Variants in ARMH3 observed in about 807,000 individuals in gnomAD.
ARMH3 encodes the protein armadillo-like helical domain-containing protein 3.
Under a neutral mutation model 99.1 loss-of-function variants are expected in ARMH3, and 60 were observed. The ratio of observed to expected loss-of-function variants is 0.61; its 90% confidence interval spans 0.49 to 0.75. The LOEUF (loss-of-function observed/expected upper bound fraction) is 0.75, where lower values mean the gene tolerates loss of function less well. Ranked by LOEUF, ARMH3 falls within the 30% of genes least tolerant of loss-of-function variation. The pLI is 0.00. For missense variants in ARMH3, 679 were observed against 843.1 expected, an observed-to-expected ratio of 0.81 and a Z score of 2.41; for synonymous variants, 285 against 292.8, an observed-to-expected ratio of 0.97 and a Z score of 0.27.
In ARMH3 at chr10:101,948,700, G is replaced by T. The variant is rs182608487; in HGVS notation, c.1705+7897C>A. ...CTTCTCTGTCCCTTTATAATAAGTAGACAGAACAATTTGTGAAAACAGAGA... is the reference window on the plus strand; with the variant it reads ...CTTCTCTGTCCCTTTATAATAAGTATACAGAACAATTTGTGAAAACAGAGA... On this transcript the variant is annotated intron_variant, in intron 22 of 25. Coordinates refer to ENST00000370033, the MANE Select transcript of ARMH3 (RefSeq NM_024541.3). Among the ~76,000 whole-genome samples the T allele has an allele frequency of 1.5e-3, 221 of 151,900 alleles. 1 individual carries two copies. Among genetic ancestry groups the T allele is most frequent in the African/African-American group, 5.0e-3 (206 of 41,424 alleles).
chr10:101,970,882 C>A (rs531912002), intron 20 of ARMH3, among the ~76,000 whole-genome samples: 42 of 151,672 alleles, frequency 2.8e-4, no homozygotes, highest in Middle Eastern at 6.8e-3. Context: ...CAGGCCCTGC[C>A]CTCCAGGAAC....
intron 19 of ARMH3, among the ~76,000 whole-genome samples, chr10:101,985,551 C>T (rs1846461149): frequency 6.6e-6 from 1 of 151,488 alleles, no homozygotes; most frequent in Non-Finnish European, 1.5e-5. Flanking sequence ...CCCATCTCTA[C>T]AAAAAATATA....
intron 16 of ARMH3, among the ~76,000 whole-genome samples, chr10:101,994,880 T>C (rs1331775782): frequency 6.6e-6 from 1 of 151,942 alleles, no homozygotes; most frequent in Non-Finnish European, 1.5e-5. Context: ...CTACTAAAAT[T>C]ACAAAAATTA....
At chr10:101,976,110 G>A (rs370343615) in intron 19 of ARMH3, among the ~76,000 whole-genome samples, 7 of 145,156 alleles carry the variant, frequency 4.8e-5, no homozygotes, top group Admixed American at 2.8e-4. Flanking sequence ...TGGAGCTTGC[G>A]GTGAGCCAAG....
chr10:101,986,150 A>G (rs1253685525), intron 19 of ARMH3, among the ~76,000 whole-genome samples: 1 of 152,152 alleles, frequency 6.6e-6, no homozygotes, highest in Non-Finnish European at 1.5e-5. Context: ...GCAATTTCCT[A>G]TTTCAACACA....
At chr10:101,936,395 G>A (rs1315679408) in intron 23 of ARMH3, among the ~76,000 whole-genome samples, 2 of 151,444 alleles carry the variant, frequency 1.3e-5, no homozygotes, top group African/African-American at 4.9e-5. Context: ...AGGAGGCTGA[G>A]GCAGCAGAAT....
rs373644591 is a variant in ARMH3, at chr10:101,862,931, C to T, written c.1861-13039G>A. On this transcript the variant is annotated intron_variant, in intron 24 of 25. Coordinates refer to ENST00000370033, the MANE Select transcript of ARMH3 (RefSeq NM_024541.3). ...AAAATAAATCCACTTAAGCCAGGCG[C>T]GGTGGCTCATGCCTGTAATCCCAGC... Among the ~76,000 whole-genome samples the T allele has an allele frequency of 3.9e-5, 6 of 152,138 alleles. No homozygotes were observed. The East Asian group carries it at 7.7e-4, about 20-fold the overall frequency.
At chr10:102,001,237 A>C (rs2066355549) in intron 15 of ARMH3, among the ~76,000 whole-genome samples, 1 of 152,218 alleles carries the variant, frequency 6.6e-6, no homozygotes, top group South Asian at 2.1e-4. Context: ...AAACATAAAA[A>C]TTGTGAACAC....
At chr10:101,939,779 T>C in intron 23 of ARMH3, 84 bp downstream of exon 23, 1 of 1,155,784 alleles carries the variant, frequency 8.7e-7, no homozygotes, top group Non-Finnish European at 1.3e-6. Context: ...ATAGTAGTAG[T>C]GTTCAACACA....
intron 24 of ARMH3, among the ~76,000 whole-genome samples, chr10:101,853,614 T>C (rs1002429206): frequency 3.3e-5 from 5 of 152,156 alleles, no homozygotes; most frequent in African/African-American, 1.2e-4. Context: ...CAGGTAACAG[T>C]CTACGCCCCC....
intron 14 of ARMH3, among the ~76,000 whole-genome samples, chr10:102,003,475 T>C (rs2066414554): frequency 2.6e-5 from 4 of 152,190 alleles, no homozygotes; most frequent in Admixed American, 2.6e-4. Flanking sequence ...AACAAAGTCT[T>C]AATGTAGGCT....
intron 20 of ARMH3, among the ~76,000 whole-genome samples, chr10:101,964,543 C>G (rs1428131213): frequency 6.6e-6 from 1 of 152,160 alleles, no homozygotes; most frequent in Non-Finnish European, 1.5e-5. Context: ...GAATATTACT[C>G]AGCCTTAAAA....
intron 22 of ARMH3, among the ~76,000 whole-genome samples, chr10:101,946,213 C>T (rs1337796456): frequency 6.6e-6 from 1 of 151,484 alleles, no homozygotes; most frequent in Non-Finnish European, 1.5e-5. Context: ...TGAGATGGCA[C>T]ATATGTTAAA....
At chr10:101,961,551 C>T (rs183608597) in intron 20 of ARMH3, among the ~76,000 whole-genome samples, 11 of 152,072 alleles carry the variant, frequency 7.2e-5, no homozygotes, top group Admixed American at 7.2e-4. Flanking sequence ...GGGTTTATGC[C>T]AAAAAAGACA....
intron 20 of ARMH3, among the ~76,000 whole-genome samples, chr10:101,967,514 G>A (rs192277763): frequency 2.6e-5 from 4 of 152,224 alleles, no homozygotes; most frequent in South Asian, 4.2e-4. Flanking sequence ...CAAGGTAGGT[G>A]GATCACAAGG....
At chr10:101,919,847 C>T (rs1213502845) in intron 23 of ARMH3, among the ~76,000 whole-genome samples, 2 of 152,172 alleles carry the variant, frequency 1.3e-5, no homozygotes, top group Non-Finnish European at 2.9e-5. Flanking sequence ...GTACCACTGG[C>T]TTAACGTAGA....
At chr10:101,968,280 C>G (rs536450608) in intron 20 of ARMH3, among the ~76,000 whole-genome samples, 3 of 152,100 alleles carry the variant, frequency 2.0e-5, no homozygotes, top group Admixed American at 2.0e-4. Context: ...CCTTTCCCCC[C>G]ACCGTTTCCT....
intron 14 of ARMH3, 151 bp downstream of exon 14, chr10:102,006,389 G>T: frequency 1.4e-6 from 1 of 708,102 alleles, no homozygotes; most frequent in Non-Finnish European, 2.3e-6. Flanking sequence ...AGTTTTCTTT[G>T]GAAATTTAGG....
At chr10:102,020,389 G>C (rs61873635) in intron 8 of ARMH3, among the ~76,000 whole-genome samples, 7,447 of 151,430 alleles carry the variant, frequency 0.049, 198 homozygotes, top group Middle Eastern at 0.097. Flanking sequence ...AAAATTAGCC[G>C]AGCACGGCCG....
Sources: gnomAD v4.1 joint callset for allele counts (sites outside exome capture counted in the v4.1 genomes callset) on GRCh38, gnomAD v4.1.1 for gene constraint, MANE v1.5 for transcripts, NCBI Gene and HGNC (gene_info 2026-07-23, HGNC 2026-07-21) for gene names.